Variants in TAFA5 observed in about 807,000 individuals in gnomAD.
The protein encoded by TAFA5 is chemokine-like protein TAFA-5.
TAFA5 carries 6 observed loss-of-function variants against 15.3 expected under a neutral mutation model. The ratio of observed to expected loss-of-function variants is 0.39; its 90% CI spans 0.21 to 0.77. TAFA5 has a LOEUF of 0.77. TAFA5 is among the 30% of genes least tolerant of loss of function. TAFA5 has a pLI of 0.41. For synonymous variants in TAFA5, 103 were observed against 80.7 expected (o/e 1.28, Z -1.48); for missense variants, 161 against 193.1 (o/e 0.83, Z 0.98).
At chr22:48,631,077 C>T (rs1926208843) in intron 1 of TAFA5, among the ~76,000 whole-genome samples, 1 of 152,208 alleles carries the variant, frequency 6.6e-6, no homozygotes, top group Admixed American at 6.5e-5. Flanking sequence ...CCTGTCCTTT[C>T]TAAGGACGGA....
intron 1 of TAFA5, among the ~76,000 whole-genome samples, chr22:48,609,725 G>A (rs531032965): frequency 1.5e-4 from 23 of 152,346 alleles, no homozygotes; most frequent in African/African-American, 5.5e-4. Context: ...GGAGCCGCCC[G>A]TGCTTCTGGA....
At chr22:48,512,464 C>T (rs149983353) in intron 1 of TAFA5, among the ~76,000 whole-genome samples, 3,352 of 151,872 alleles carry the variant, frequency 0.022, 140 homozygotes, top group African/African-American at 0.077. Flanking sequence ...AAAAATTAGC[C>T]GGGTGCAGTG....
chr22:48,632,212 A>G lies in TAFA5; in HGVS notation c.113-14385A>G, dbSNP rs572055238. ...GCCACCGTCCTCAACCCTTACCGCC[A>G]CGGGCCCTGCCTGCCTCCCACCTAC... On this transcript the variant is annotated intron_variant, in intron 1 of 3. Transcript: ENST00000402357. Among the ~76,000 whole-genome samples, 8 of 152,166 alleles carry G rather than the reference A, an allele frequency of 5.3e-5. No homozygotes were observed. The South Asian group carries it at 1.5e-3, about 28-fold the overall frequency.
chr22:48,625,881 A>G (rs752064474), intron 1 of TAFA5, among the ~76,000 whole-genome samples: 2 of 152,210 alleles, frequency 1.3e-5, no homozygotes, highest in Non-Finnish European at 2.9e-5. Flanking sequence ...CCCAGCAACC[A>G]TTGATCCTTT....
intron 1 of TAFA5, among the ~76,000 whole-genome samples, chr22:48,584,928 C>CACACCACACACACACA (rs1924283472): frequency 6.8e-6 from 1 of 147,350 alleles, no homozygotes; most frequent in African/African-American, 2.5e-5. Flanking sequence ...CACACACACA[C>CACACCACACACACACA]AAAATACACT....
At chr22:48,731,065 A>G (rs1356785500) in intron 3 of TAFA5, among the ~76,000 whole-genome samples, 2 of 152,226 alleles carry the variant, frequency 1.3e-5, no homozygotes, top group African/African-American at 4.8e-5. Flanking sequence ...GTACTACTCC[A>G]GTGAATATAC....
intron 1 of TAFA5, among the ~76,000 whole-genome samples, chr22:48,542,626 TGTGG>T (rs1297023704): frequency 8.5e-5 from 5 of 59,074 alleles, no homozygotes; most frequent in African/African-American, 3.9e-4. Context: ...GTGTGGTGTG[TGTGG>T]GTGTGTGATG....
intron 1 of TAFA5, among the ~76,000 whole-genome samples, chr22:48,536,649 A>G (rs1424123989): frequency 2.0e-5 from 3 of 152,238 alleles, no homozygotes; most frequent in Non-Finnish European, 4.4e-5. Context: ...TTCCATGTCA[A>G]CAGCATGCCT....
chr22:48,704,461 C>T (rs185142188), intron 2 of TAFA5, among the ~76,000 whole-genome samples: 48 of 152,252 alleles, frequency 3.2e-4, no homozygotes, highest in Admixed American at 1.6e-3. Flanking sequence ...CCCGGGAAGA[C>T]GCATGACAGA....
intron 3 of TAFA5, among the ~76,000 whole-genome samples, chr22:48,724,636 G>A (rs2147263219): frequency 6.6e-6 from 1 of 152,322 alleles, no homozygotes; most frequent in South Asian, 2.1e-4. Context: ...GAAAAGCACT[G>A]GGGAAAGCCC....
chr22:48,611,095 A>G (rs941974651), intron 1 of TAFA5, among the ~76,000 whole-genome samples: 2 of 152,080 alleles, frequency 1.3e-5, no homozygotes, highest in Non-Finnish European at 2.9e-5. Context: ...CACCACGCCC[A>G]GCTAATTTTT....
chr22:48,696,064 G>A (rs544719172), intron 2 of TAFA5, among the ~76,000 whole-genome samples: 4 of 152,242 alleles, frequency 2.6e-5, no homozygotes, highest in African/African-American at 7.2e-5. Flanking sequence ...CCCCTGGTCC[G>A]TAGAATTCAG....
intron 3 of TAFA5, among the ~76,000 whole-genome samples, chr22:48,729,660 T>G (rs1929813583): frequency 6.8e-6 from 1 of 147,096 alleles, no homozygotes; most frequent in Non-Finnish European, 1.5e-5. Context: ...TTATATAAAA[T>G]ATAAATAAAT....
chr22:48,707,926 G>T, intron 3 of TAFA5, 82 bp downstream of exon 3: 1 of 1,529,016 alleles, frequency 6.5e-7, no homozygotes, highest in Non-Finnish European at 8.8e-7. Flanking sequence ...CGGGCTCCGC[G>T]GGGACAGGTG....
intron 2 of TAFA5, among the ~76,000 whole-genome samples, chr22:48,679,153 C>A (rs1440528140): frequency 1.1e-4 from 1 of 8,874 alleles, no homozygotes. Context: ...CTGTCCATCC[C>A]TCTCCCGGCT....
chr22:48,711,796 C>CTGTG (rs947528141), intron 3 of TAFA5, among the ~76,000 whole-genome samples: 39 of 152,348 alleles, frequency 2.6e-4, no homozygotes, highest in African/African-American at 8.9e-4. Context: ...AGGCAGCCAC[C>CTGTG]CGCTCCCAGC....
In TAFA5 at chr22:48,576,297, C is replaced by G. The variant is rs1014041440; in HGVS notation, c.113-70300C>G. 97 of 1,156,754 alleles carry G rather than the reference C, an allele frequency of 8.4e-5. 2 individuals carry two copies. In the African/African-American group the frequency reaches 1.2e-3, roughly 14 times the overall value. 71.7% of individuals were successfully genotyped at this position (1,156,754 alleles called of 1,614,324 possible). Reference sequence around the variant, plus strand: ...CCTCCCCCCGCCCGCTCCCCTCCCCCCTGCCCAGAAAGACACAAATCGCCT... The same window carrying G: ...CCTCCCCCCGCCCGCTCCCCTCCCCGCTGCCCAGAAAGACACAAATCGCCT... On this transcript the variant is annotated intron_variant, in intron 1 of 3. Coordinates refer to ENST00000402357, the MANE Select transcript of TAFA5 (RefSeq NM_001082967.3).
intron 1 of TAFA5, chr22:48,546,748 G>T: frequency 2.7e-6 from 1 of 374,588 alleles, no homozygotes. Context: ...CCCCTCTGCA[G>T]TTCTGGAAAG....
intron 3 of TAFA5, among the ~76,000 whole-genome samples, chr22:48,722,169 G>A (rs1052002604): frequency 9.2e-5 from 14 of 152,256 alleles, no homozygotes; most frequent in Non-Finnish European, 1.8e-4. Context: ...GTGTAAAAGC[G>A]TTCCTATTTC....
Sources: gnomAD v4.1 joint callset for allele counts (sites outside exome capture counted in the v4.1 genomes callset) on GRCh38, gnomAD v4.1.1 for gene constraint, MANE v1.5 for transcripts, NCBI Gene and HGNC (gene_info 2026-07-23, HGNC 2026-07-21) for gene names.